Variants in CDK6 observed in about 807,000 individuals in gnomAD.
The protein encoded by CDK6 is cyclin-dependent kinase 6.
A neutral mutation model predicts 37.1 loss-of-function variants in CDK6; 6 were observed. The observed-to-expected ratio is 0.16, with a 90% CI of 0.09 to 0.32. The LOEUF (loss-of-function observed/expected upper bound fraction) is 0.32, where lower values mean the gene tolerates loss of function less well. Ranked by LOEUF, CDK6 falls within the 10% of genes least tolerant of loss-of-function variation. CDK6 has a pLI of 1.00. For missense variants in CDK6, 224 were observed against 418.9 expected, an observed-to-expected ratio of 0.53 and a Z score of 4.06; for synonymous variants, 160 against 161.3, an observed-to-expected ratio of 0.99 and a Z score of 0.06.
chr7:92,812,609 AG>A (rs1800914355), intron 2 of CDK6, among the ~76,000 whole-genome samples: 1 of 151,970 alleles, frequency 6.6e-6, no homozygotes, highest in Non-Finnish European at 1.5e-5. Context: ...TATTTTTTGT[AG>A]AAATGAGGTC....
intron 5 of CDK6, among the ~76,000 whole-genome samples, chr7:92,654,681 A>G (rs1216556962): frequency 2.0e-5 from 3 of 152,134 alleles, no homozygotes; most frequent in African/African-American, 7.2e-5. Flanking sequence ...AGTAGGTAAG[A>G]CAACAGCACT....
At position 92,833,951 on chromosome 7, in the gene CDK6, G is replaced by C. The variant is rs565743962; in HGVS notation, c.-367-261C>G. 2 of 398,664 alleles carry C rather than the reference G, an allele frequency of 5.0e-6. No individual in the cohort carries two copies. Among genetic ancestry groups the C allele is most frequent in the African/African-American group, 4.1e-5 (2 of 48,628 alleles). The allele number at this position is 398,664 out of a possible 1,614,324, so 24.7% of individuals were successfully genotyped here. A position where few individuals can be genotyped will look rare whatever the true frequency, so the allele number is the denominator to read the frequency against. ...CCCTCGGGGATGAGCGAGCGGCGCGGGACGCAGTGGAACGGGAGGGGGCGT... is the reference window on the plus strand; with the variant it reads ...CCCTCGGGGATGAGCGAGCGGCGCGCGACGCAGTGGAACGGGAGGGGGCGT... On this transcript the variant is annotated intron_variant, in intron 1 of 7. Transcript: ENST00000424848. The surrounding 1 kb of genome is among the most constrained non-coding windows in gnomAD (Gnocchi z 6.1).
chr7:92,625,941 T>C (rs1204085916), intron 5 of CDK6, among the ~76,000 whole-genome samples: 1 of 152,120 alleles, frequency 6.6e-6, no homozygotes, highest in Non-Finnish European at 1.5e-5. Flanking sequence ...GCTATTTTTC[T>C]TGATTAGTGG....
rs1411980894 is a variant in CDK6 at position 92,702,081 on chromosome 7, C to CTACA, written c.537+23541_537+23544dup. Among the ~76,000 whole-genome samples, 7 of 152,142 alleles carry CTACA rather than the reference C, an allele frequency of 4.6e-5. No homozygotes were observed. In the South Asian group the frequency reaches 1.2e-3, roughly 27 times the overall value. On this transcript the variant is annotated intron_variant, in intron 4 of 7. Coordinates refer to ENST00000424848, the MANE Select transcript of CDK6 (RefSeq NM_001145306.2). ...CATGTGATCACTGTTGGTGGTAGTG[C>CTACA]TACAGGTTTTAGCCATAATCAAATA...
rs1267202182 is a variant in CDK6, at chr7:92,833,059, C to G, written c.233+32G>C. The G allele has an allele frequency of 6.8e-7, 1 of 1,476,754 alleles. No homozygotes were observed. The highest frequency in any genetic ancestry group is 2.5e-5 in the East Asian group (1 of 40,276). The allele number at this position is 1,476,754 out of a possible 1,614,324, so 91.5% of individuals were successfully genotyped here. A position where few individuals can be genotyped will look rare whatever the true frequency, so the allele number is the denominator to read the frequency against. On this transcript the variant is annotated intron_variant, in intron 2 of 7. Transcript: ENST00000424848. This position sits in a 1 kb window ranked among gnomAD's most constrained non-coding sequence, Gnocchi z 6.1. ...CGGCCCTCCCCGCGCGCGCGAGGCC[C>G]CAGATGGCGAGGGCGCAGCTCCCTG...
chr7:92,695,888 G>A (rs901126966), intron 4 of CDK6, among the ~76,000 whole-genome samples: 4 of 152,166 alleles, frequency 2.6e-5, no homozygotes, highest in Non-Finnish European at 5.9e-5. Context: ...CACTGGAGCT[G>A]CACAAAGGAA....
At chr7:92,698,625 T>C (rs1000703138) in intron 4 of CDK6, among the ~76,000 whole-genome samples, 5 of 152,244 alleles carry the variant, frequency 3.3e-5, no homozygotes, top group South Asian at 2.1e-4. Context: ...CTTGATTATG[T>C]ATTGTTTAAC....
chr7:92,668,566 C>A (rs1308081618), intron 5 of CDK6, among the ~76,000 whole-genome samples: 1 of 152,118 alleles, frequency 6.6e-6, no homozygotes, highest in Non-Finnish European at 1.5e-5. Flanking sequence ...TCAAGACAAC[C>A]AGGGCAGCAC....
chr7:92,831,056 T>C (rs749909675), intron 2 of CDK6, among the ~76,000 whole-genome samples: 2 of 152,258 alleles, frequency 1.3e-5, no homozygotes, highest in Non-Finnish European at 2.9e-5. Context: ...TTCTCACGAC[T>C]TTAACAGGTA....
rs775403127 is a variant in CDK6 at position 92,618,141 on chromosome 7, A to G, written c.765T>C (p.His255=). The change falls in exon 7 of 8, where the codon CAT becomes CAC. Residue 255 remains histidine (H), a synonymous_variant. Transcript: ENST00000424848. ...RDVALPRQAF[H]SKSAQPIEKF... ...TCTCAATTGGTTGGGCAGATTTTGAATGAAAAGCCTGCCTGGGAAGGGCAA... is the reference window on the plus strand; with the variant it reads ...TCTCAATTGGTTGGGCAGATTTTGAGTGAAAAGCCTGCCTGGGAAGGGCAA... 3 of 1,614,184 alleles carry G rather than the reference A, an allele frequency of 1.9e-6. No individual in the cohort carries two copies. The highest frequency in any genetic ancestry group is 3.3e-5 in the Admixed American group (2 of 60,010).
chr7:92,640,962 T>G (rs1796291289), intron 5 of CDK6, among the ~76,000 whole-genome samples: 1 of 152,160 alleles, frequency 6.6e-6, no homozygotes, highest in South Asian at 2.1e-4. Flanking sequence ...CAGGGAATAT[T>G]TAAATACAAA....
At chr7:92,746,037 C>T (rs1252033328) in intron 3 of CDK6, among the ~76,000 whole-genome samples, 1 of 152,108 alleles carries the variant, frequency 6.6e-6, no homozygotes. Context: ...ACCGTACCTA[C>T]AGTCCAAAAA....
intron 5 of CDK6, among the ~76,000 whole-genome samples, chr7:92,647,355 T>C (rs1348672057): frequency 1.3e-5 from 2 of 152,196 alleles, no homozygotes; most frequent in Admixed American, 1.3e-4. Context: ...GATTTTACTC[T>C]GGGTCAGGAA....
chr7:92,663,771 A>G (rs978542796), intron 5 of CDK6, among the ~76,000 whole-genome samples: 1 of 152,248 alleles, frequency 6.6e-6, no homozygotes, highest in South Asian at 2.1e-4. Context: ...TCTTACTTAG[A>G]ACTACCTTGT....
rs555731276 is a variant in CDK6, at chr7:92,739,633, C to G, written c.370-13840G>C. Among the ~76,000 whole-genome samples, 3 of 152,384 alleles carry G rather than the reference C, an allele frequency of 2.0e-5. No individual in the cohort carries two copies. In the South Asian group the frequency reaches 6.2e-4, roughly 32 times the overall value. ...TCAAATAAGCCCTTCTCTCCCATCT[C>G]CATGGCCCTTGCCAAGTAGTCAGTA... On this transcript the variant is annotated intron_variant, in intron 3 of 7. Transcript: ENST00000424848.
intron 3 of CDK6, among the ~76,000 whole-genome samples, chr7:92,759,432 T>C (rs1187100516): frequency 2.0e-5 from 3 of 152,190 alleles, no homozygotes; most frequent in Non-Finnish European, 4.4e-5. Context: ...TGATGGCATA[T>C]AGGCTCACAG....
intron 4 of CDK6, among the ~76,000 whole-genome samples, chr7:92,701,080 G>A (rs1207089795): frequency 2.6e-5 from 4 of 152,168 alleles, no homozygotes; most frequent in Admixed American, 6.5e-5. Context: ...AGAACCTCTG[G>A]CCCCTTTAAG....
intron 3 of CDK6, among the ~76,000 whole-genome samples, chr7:92,749,980 GA>G (rs1398223062): frequency 1.3e-5 from 2 of 152,202 alleles, no homozygotes; most frequent in Middle Eastern, 3.2e-3. Flanking sequence ...TGTTAAGAAT[GA>G]AAGTTCTAGT....
chr7:92,641,197 C>G (rs1225771804), intron 5 of CDK6, among the ~76,000 whole-genome samples: 2 of 151,992 alleles, frequency 1.3e-5, no homozygotes, highest in African/African-American at 4.8e-5. Context: ...TGTAAAGAGC[C>G]ATTTTGACAC....
Sources: gnomAD v4.1 joint callset for allele counts (sites outside exome capture counted in the v4.1 genomes callset) on GRCh38, gnomAD v4.1.1 for gene constraint, Gnocchi (gnomAD v3.1) non-coding constraint, MANE v1.5 for transcripts, NCBI Gene and HGNC (gene_info 2026-07-23, HGNC 2026-07-21) for gene names.